Variants in TMEM132D observed in about 807,000 individuals in gnomAD.
The protein encoded by TMEM132D is mature OL transmembrane protein.
TMEM132D carries 21 observed loss-of-function variants against 62.3 expected under a neutral mutation model. That is an observed-to-expected ratio of 0.34 (90% CI 0.24 to 0.49). TMEM132D has a LOEUF of 0.49. TMEM132D is among the 20% of genes least tolerant of loss of function. The probability of loss-of-function intolerance (pLI) is 0.99; values close to 1 mark genes in which losing one functional copy is unlikely to be tolerated. For missense variants in TMEM132D, 1,346 were observed against 1,402.8 expected, an observed-to-expected ratio of 0.96 and a Z score of 0.65; for synonymous variants, 621 against 575.6, an observed-to-expected ratio of 1.08 and a Z score of -1.13.
At chr12:129,616,172 A>G (rs7959762) in intron 2 of TMEM132D, among the ~76,000 whole-genome samples, 2,491 of 152,362 alleles carry the variant, frequency 0.016, 29 homozygotes, top group Admixed American at 0.028. Flanking sequence ...AGATGCCATA[A>G]TGCCAGAAAA....
At chr12:129,594,844 G>C (rs1039803711) in intron 2 of TMEM132D, among the ~76,000 whole-genome samples, 6 of 152,122 alleles carry the variant, frequency 3.9e-5, no homozygotes, top group African/African-American at 1.4e-4. Context: ...TGCTGAGAAG[G>C]CTTGCAATAT....
intron 3 of TMEM132D, among the ~76,000 whole-genome samples, chr12:129,456,231 T>C (rs1475975989): frequency 6.6e-6 from 1 of 152,194 alleles, no homozygotes; most frequent in East Asian, 1.9e-4. Context: ...TTAGTGGTCC[T>C]TTCTCAAGAT....
intron 4 of TMEM132D, among the ~76,000 whole-genome samples, chr12:129,334,100 G>A (rs1486905765): frequency 6.6e-6 from 1 of 152,096 alleles, no homozygotes; most frequent in East Asian, 1.9e-4. Flanking sequence ...CAGCCTGGGG[G>A]ACAGAGTGAA....
chr12:129,291,470 G>A (rs751558547), intron 4 of TMEM132D, among the ~76,000 whole-genome samples: 12 of 151,940 alleles, frequency 7.9e-5, no homozygotes, highest in Admixed American at 2.0e-4. Flanking sequence ...ATGTCTTTTC[G>A]CCTGAAACTG....
intron 4 of TMEM132D, among the ~76,000 whole-genome samples, chr12:129,244,365 G>C (rs1449972377): frequency 2.3e-5 from 3 of 128,976 alleles, no homozygotes; most frequent in South Asian, 5.4e-4. Flanking sequence ...CAGCCTGGGC[G>C]ACAGAGCGAG....
intron 1 of TMEM132D, among the ~76,000 whole-genome samples, chr12:129,843,714 A>G (rs1194212607): frequency 2.6e-5 from 4 of 152,150 alleles, no homozygotes; most frequent in Admixed American, 6.5e-5. Context: ...TACTCAAAAA[A>G]CTACTACTGA....
chr12:129,235,979 A>G (rs1879767733), intron 4 of TMEM132D, among the ~76,000 whole-genome samples: 1 of 151,932 alleles, frequency 6.6e-6, no homozygotes, highest in African/African-American at 2.4e-5. Flanking sequence ...CAATCCATGA[A>G]CGTGGAATAT....
intron 3 of TMEM132D, among the ~76,000 whole-genome samples, chr12:129,392,499 G>A (rs921631766): frequency 6.6e-6 from 1 of 152,226 alleles, no homozygotes; most frequent in Non-Finnish European, 1.5e-5. Context: ...CTGGTCTCAT[G>A]GGCCTGCACA....
chr12:129,473,117 C>A (rs1391084495), intron 3 of TMEM132D, among the ~76,000 whole-genome samples: 3 of 152,002 alleles, frequency 2.0e-5, no homozygotes, highest in African/African-American at 4.8e-5. Flanking sequence ...CCTGCCTCGG[C>A]CTCCCAAGGT....
intron 4 of TMEM132D, among the ~76,000 whole-genome samples, chr12:129,248,955 T>C (rs1027062376): frequency 1.3e-5 from 2 of 152,180 alleles, no homozygotes; most frequent in Non-Finnish European, 1.5e-5. Flanking sequence ...TAAATCATTC[T>C]ATTATAAAGA....
chr12:129,231,697 G>A (rs779947517), intron 4 of TMEM132D, among the ~76,000 whole-genome samples: 1 of 152,208 alleles, frequency 6.6e-6, no homozygotes, highest in Non-Finnish European at 1.5e-5. Context: ...TAATGAGGCT[G>A]AGGTCGTGGG....
chr12:129,513,545 C>T (rs1272792549), intron 3 of TMEM132D, among the ~76,000 whole-genome samples: 6 of 152,114 alleles, frequency 3.9e-5, no homozygotes, highest in South Asian at 2.1e-4. Context: ...AGTGCAGTGG[C>T]GCGATCTCGG....
intron 2 of TMEM132D, among the ~76,000 whole-genome samples, chr12:129,598,488 A>G (rs544401869): frequency 1.3e-5 from 2 of 152,302 alleles, no homozygotes; most frequent in Non-Finnish European, 2.9e-5. Context: ...GAAATAGATG[A>G]TGTGTTTGGA....
intron 3 of TMEM132D, among the ~76,000 whole-genome samples, chr12:129,357,440 A>T: frequency 6.6e-6 from 1 of 151,554 alleles, no homozygotes; most frequent in African/African-American, 2.4e-5. Flanking sequence ...AAGGAAAGAA[A>T]AAAAGAAAAA....
intron 1 of TMEM132D, among the ~76,000 whole-genome samples, chr12:129,854,148 C>T (rs1478689143): frequency 1.3e-5 from 2 of 152,130 alleles, no homozygotes; most frequent in Admixed American, 6.5e-5. Context: ...CAATGCTTAA[C>T]GTGGGGAATA....
chr12:129,085,175 A>C (rs1874578652), intron 5 of TMEM132D: 2 of 174,082 alleles, frequency 1.1e-5, no homozygotes, highest in Non-Finnish European at 2.4e-5. Context: ...AGAGCTCCTC[A>C]AGGAGCTGGC....
chr12:129,813,224 C>G (rs1310255746), intron 1 of TMEM132D, among the ~76,000 whole-genome samples: 2 of 151,788 alleles, frequency 1.3e-5, no homozygotes, highest in Admixed American at 1.3e-4. Context: ...ACGCTGTCCT[C>G]ATCTTGTTGG....
At chr12:129,556,884 G>A (rs1877077404) in intron 2 of TMEM132D, among the ~76,000 whole-genome samples, 1 of 152,142 alleles carries the variant, frequency 6.6e-6, no homozygotes, top group African/African-American at 2.4e-5. Flanking sequence ...AAATGCTCCA[G>A]AATAATTTTG....
chr12:129,276,611 A>T (rs1881014128), intron 4 of TMEM132D, among the ~76,000 whole-genome samples: 1 of 152,196 alleles, frequency 6.6e-6, no homozygotes, highest in South Asian at 2.1e-4. Context: ...CAGCCACTTC[A>T]TGGAGGTGGC....
Sources: gnomAD v4.1 joint callset for allele counts (sites outside exome capture counted in the v4.1 genomes callset) on GRCh38, gnomAD v4.1.1 for gene constraint, MANE v1.5 for transcripts, NCBI Gene and HGNC (gene_info 2026-07-23, HGNC 2026-07-21) for gene names.